Variants in PODXL2 observed in about 807,000 individuals in gnomAD.
PODXL2 encodes the protein podocalyxin-like protein 2.
Under a neutral mutation model 53.4 loss-of-function variants are expected in PODXL2, and 17 were observed. The ratio of observed to expected loss-of-function variants is 0.32; its 90% CI spans 0.22 to 0.48. The LOEUF (loss-of-function observed/expected upper bound fraction) is 0.48, where lower values mean the gene tolerates loss of function less well. Ranked by LOEUF, PODXL2 falls within the 20% of genes least tolerant of loss-of-function variation. PODXL2 has a pLI of 0.99. For missense variants in PODXL2, 673 were observed against 760.0 expected (o/e 0.89, Z 1.35); for synonymous variants, 311 against 306.7 (o/e 1.01, Z -0.15).
At chr3:127,660,241 C>T (rs572779389) in intron 2 of PODXL2, 137 bp from the exon 3 acceptor site, 4 of 1,025,148 alleles carry the variant, frequency 3.9e-6, no homozygotes, top group East Asian at 5.1e-5. Flanking sequence ...AGTCTGCTCC[C>T]CTGGCCTCTC....
chr3:127,667,347 G>A (rs2074799680), intron 4 of PODXL2, among the ~76,000 whole-genome samples: 1 of 152,246 alleles, frequency 6.6e-6, no homozygotes, highest in Non-Finnish European at 1.5e-5. Context: ...AGATGCTCGT[G>A]CCTCCCAGTG....
At chr3:127,632,283 G>A (rs1184123420) in intron 1 of PODXL2, among the ~76,000 whole-genome samples, 2 of 152,142 alleles carry the variant, frequency 1.3e-5, no homozygotes, top group African/African-American at 4.8e-5. Context: ...CGCCTGCCAT[G>A]CCACAGCCTC....
At chr3:127,636,267 T>A (rs2074577845) in intron 1 of PODXL2, among the ~76,000 whole-genome samples, 1 of 152,234 alleles carries the variant, frequency 6.6e-6, no homozygotes, top group Non-Finnish European at 1.5e-5. Flanking sequence ...GGGCACTCTG[T>A]TTCTTTCCCA....
At chr3:127,651,282 C>T (rs1016760339) in intron 2 of PODXL2, among the ~76,000 whole-genome samples, 1 of 152,258 alleles carries the variant, frequency 6.6e-6, no homozygotes, top group African/African-American at 2.4e-5. Context: ...AAACAAAAAA[C>T]ACCAGGGTGA....
intron 1 of PODXL2, among the ~76,000 whole-genome samples, chr3:127,633,589 A>G (rs1481884688): frequency 6.6e-6 from 1 of 152,132 alleles, no homozygotes. Flanking sequence ...TTGTAAAACA[A>G]GAGGGTTGGA....
At chr3:127,671,104 T>C (rs1053134438) in intron 6 of PODXL2, among the ~76,000 whole-genome samples, 34 of 152,048 alleles carry the variant, frequency 2.2e-4, no homozygotes, top group African/African-American at 6.5e-4. Context: ...CTCTCTCTAG[T>C]TGGATGGTGT....
intron 4 of PODXL2, among the ~76,000 whole-genome samples, chr3:127,662,712 C>G (rs1466998913): frequency 1.3e-5 from 2 of 152,130 alleles, no homozygotes; most frequent in Admixed American, 6.5e-5. Context: ...GTTCATAGCT[C>G]TCTCTATCGA....
At chr3:127,634,719 T>C (rs2074566936) in intron 1 of PODXL2, among the ~76,000 whole-genome samples, 1 of 152,054 alleles carries the variant, frequency 6.6e-6, no homozygotes, top group South Asian at 2.1e-4. Flanking sequence ...AGAGTGAAAC[T>C]GTCTGAAAAA....
At chr3:127,644,612 C>CTTTCTT (rs2074642165) in intron 2 of PODXL2, among the ~76,000 whole-genome samples, 1 of 152,184 alleles carries the variant, frequency 6.6e-6, no homozygotes, top group African/African-American at 2.4e-5. Context: ...ATTCGTTTCC[C>CTTTCTT]TTTCTTTTTC....
intron 2 of PODXL2, among the ~76,000 whole-genome samples, chr3:127,646,172 A>G (rs546573153): frequency 6.6e-6 from 1 of 152,250 alleles, no homozygotes; most frequent in African/African-American, 2.4e-5. Context: ...ATGTAAGTAT[A>G]TATTCTTACT....
rs1318090048 is a variant in PODXL2, at chr3:127,660,896, A to G, written c.868A>G (p.Thr290Ala). The G allele has an allele frequency of 6.2e-7, 1 of 1,614,150 alleles. No homozygotes were observed. Among genetic ancestry groups the G allele is most frequent in the Non-Finnish European group, 8.5e-7 (1 of 1,180,060 alleles). Residue 290 changes from threonine to alanine, a missense_variant, in exon 3 of 8, where the codon ACT becomes GCT. Transcript: ENST00000342480. ...TCCTCAGGAAGCAAGCGAGGAAGCCACTGCAGGAGCAGCTGGTTTGTCTGG... is the reference window on the plus strand; with the variant it reads ...TCCTCAGGAAGCAAGCGAGGAAGCCGCTGCAGGAGCAGCTGGTTTGTCTGG... ...EAPQEASEEA[T>A]AGAAGLSGQH...
chr3:127,657,313 C>T (rs2074731613), intron 2 of PODXL2, among the ~76,000 whole-genome samples: 1 of 152,226 alleles, frequency 6.6e-6, no homozygotes, highest in South Asian at 2.1e-4. Flanking sequence ...TGGGATTCTG[C>T]TGATGGGTGT....
At chr3:127,631,161 C>T (rs528941206) in intron 1 of PODXL2, among the ~76,000 whole-genome samples, 1 of 152,200 alleles carries the variant, frequency 6.6e-6, no homozygotes, top group South Asian at 2.1e-4. Flanking sequence ...GTGGAGGTAG[C>T]GTGACTGTGC....
chr3:127,640,266 T>C (rs1457998781), intron 2 of PODXL2, among the ~76,000 whole-genome samples: 1 of 152,256 alleles, frequency 6.6e-6, no homozygotes, highest in African/African-American at 2.4e-5. Context: ...TGATTGTGTG[T>C]GCACATGGGG....
chr3:127,629,236 G>T lies in PODXL2; in HGVS notation c.17G>T (p.Arg6Leu). 1.0e-6 allele frequency: 1 copy of T among 997,162 alleles called. No individual in the cohort carries two copies. The highest frequency in any genetic ancestry group is 1.2e-6 in the Non-Finnish European group (1 of 837,390). The allele number at this position is 997,162 out of a possible 1,614,324, so 61.8% of individuals were successfully genotyped here. A position where few individuals can be genotyped will look rare whatever the true frequency, so the allele number is the denominator to read the frequency against. The change falls in exon 1 of 8, where the codon CGG (arginine) becomes CTG (leucine). Residue 6 changes from arginine (R) to leucine (L), a missense_variant. Transcript: ENST00000342480. This position sits in a 1 kb window ranked among gnomAD's most constrained non-coding sequence, Gnocchi z 6.4. ...GGCTACACCATGGGCCGGCTGCTGC[G>T]GGCCGCCCGGCTGCCGCCGCTGCTT... MGRLL[R>L]AARLPPLLSP...
chr3:127,647,656 A>G (rs992992139), intron 2 of PODXL2, among the ~76,000 whole-genome samples: 1 of 152,210 alleles, frequency 6.6e-6, no homozygotes, highest in East Asian at 1.9e-4. Flanking sequence ...CCCATCAGTC[A>G]TGCTCGGCTT....
chr3:127,639,672 A>G (rs963687351), intron 2 of PODXL2, 149 bp downstream of exon 2: 3 of 761,162 alleles, frequency 3.9e-6, no homozygotes, highest in Non-Finnish European at 4.2e-6. Flanking sequence ...ATCAGAGCAA[A>G]GGCTCTGGGA....
rs1441834096 is a variant in PODXL2 at position 127,629,570 on chromosome 3, G to T, written c.70+281G>T. 1.3e-5 allele frequency among the ~76,000 whole-genome samples: 2 copies of T among 151,958 alleles called. No homozygotes were observed. The highest frequency in any genetic ancestry group is 3.9e-4 in the East Asian group (2 of 5,118). Reference sequence around the variant, plus strand: ...CACGCCGCGGCTCTCAGGGGCAGGTGCGCAGGCTGCTGCCTCGCGGGCCGG... The same window carrying T: ...CACGCCGCGGCTCTCAGGGGCAGGTTCGCAGGCTGCTGCCTCGCGGGCCGG... On this transcript the variant is annotated intron_variant, in intron 1 of 7. Transcript: ENST00000342480. This position sits in a 1 kb window ranked among gnomAD's most constrained non-coding sequence, Gnocchi z 6.4.
intron 2 of PODXL2, among the ~76,000 whole-genome samples, chr3:127,649,988 G>A (rs2074678597): frequency 6.6e-6 from 1 of 151,926 alleles, no homozygotes; most frequent in Admixed American, 6.6e-5. Context: ...TTGCACCTCT[G>A]TTTTAGACAT....
Sources: gnomAD v4.1 joint callset for allele counts (sites outside exome capture counted in the v4.1 genomes callset) on GRCh38, gnomAD v4.1.1 for gene constraint, Gnocchi (gnomAD v3.1) non-coding constraint, MANE v1.5 for transcripts, NCBI Gene and HGNC (gene_info 2026-07-23, HGNC 2026-07-21) for gene names.